The following ATRNL1 variants were observed in gnomAD, a reference collection of about 807,000 sequenced individuals.
ATRNL1 encodes the protein attractin like 1.
ATRNL1 carries 95 observed loss-of-function variants against 182.7 expected under a neutral mutation model. The observed-to-expected ratio is 0.52, with a 90% confidence interval of 0.44 to 0.62. The LOEUF is 0.62. Ranked by LOEUF, ATRNL1 falls within the 20% of genes least tolerant of loss-of-function variation. The pLI, the probability that ATRNL1 is intolerant of heterozygous loss-of-function variation, is 0.00. For missense variants in ATRNL1, 1,471 were observed against 1,679.5 expected (o/e 0.88, Z 2.17); for synonymous variants, 576 against 568.3 (o/e 1.01, Z -0.19).
At chr10:115,141,795 T>A (rs1411393698) in intron 5 of ATRNL1, among the ~76,000 whole-genome samples, 2 of 152,300 alleles carry the variant, frequency 1.3e-5, no homozygotes, top group East Asian at 3.9e-4. Context: ...TCCGTTAAAT[T>A]CTTCCCACTT....
rs375996668 is a variant in ATRNL1 at position 115,801,797 on chromosome 10, CT to C, written c.3904-46075del. ...ATGATTTTCTTGTCCCTTTCAGAAA[CT>C]TTTTGAAAATTCATTTAAAGGAATA... On this transcript the variant is annotated intron_variant, in intron 27 of 28. Transcript: ENST00000355044. 2.8e-3 allele frequency among the ~76,000 whole-genome samples: 419 copies of C among 152,204 alleles called. 1 individual carries two copies. Among genetic ancestry groups the C allele is most frequent in the African/African-American group, 9.1e-3 (378 of 41,522 alleles).
intron 27 of ATRNL1, among the ~76,000 whole-genome samples, chr10:115,818,112 C>T (rs1205716858): frequency 1.3e-5 from 2 of 151,716 alleles, no homozygotes; most frequent in Non-Finnish European, 2.9e-5. Flanking sequence ...TATTGCTTTC[C>T]AGGGCTTCTA....
chr10:115,203,577 CTT>C lies in ATRNL1; in HGVS notation c.1349-12101_1349-12100del, dbSNP rs34988501. Among the ~76,000 whole-genome samples the C allele has an allele frequency of 8.1e-3, 988 of 122,306 alleles. 10 individuals carry two copies. The highest frequency in any genetic ancestry group is 0.027 in the African/African-American group (907 of 34,124). The allele number at this position is 122,306 out of a possible 152,430, so 80.2% of individuals were successfully genotyped here. A position where few individuals can be genotyped will look rare whatever the true frequency, so the allele number is the denominator to read the frequency against. On this transcript the variant is annotated intron_variant, in intron 8 of 28. Transcript: ENST00000355044. ...AAAGTTTAAAACTAGATTGGGCCACCTTTTTTTTTTTTTTTTTTTTGAGATGG... is the reference window on the plus strand; with the variant it reads ...AAAGTTTAAAACTAGATTGGGCCACCTTTTTTTTTTTTTTTTTTGAGATGG...
At chr10:115,642,024 G>A (rs151141536) in intron 26 of ATRNL1, among the ~76,000 whole-genome samples, 66 of 151,996 alleles carry the variant, frequency 4.3e-4, no homozygotes, top group African/African-American at 1.3e-3. Flanking sequence ...AAATAAACAC[G>A]CAGAGCAATA....
At chr10:115,869,307 G>C (rs1027217353) in intron 28 of ATRNL1, among the ~76,000 whole-genome samples, 1 of 152,150 alleles carries the variant, frequency 6.6e-6, no homozygotes, top group African/African-American at 2.4e-5. Context: ...AGCATGATTA[G>C]CCAGAGCAAT....
intron 19 of ATRNL1, among the ~76,000 whole-genome samples, chr10:115,357,447 G>T (rs1166539752): frequency 6.6e-6 from 1 of 151,826 alleles, no homozygotes; most frequent in Non-Finnish European, 1.5e-5. Flanking sequence ...TGATGGTGGA[G>T]AAGTTAATTA....
At chr10:115,426,048 C>T (rs781971696) in intron 20 of ATRNL1, among the ~76,000 whole-genome samples, 13 of 151,976 alleles carry the variant, frequency 8.6e-5, no homozygotes, top group Non-Finnish European at 1.6e-4. Flanking sequence ...TTTCATCTCT[C>T]ACTTTTTCTC....
chr10:115,497,030 C>T (rs1849582411), intron 24 of ATRNL1, among the ~76,000 whole-genome samples: 1 of 152,078 alleles, frequency 6.6e-6, no homozygotes, highest in African/African-American at 2.4e-5. Flanking sequence ...TACATAATCC[C>T]ATATTTCTCA....
chr10:115,177,811 A>G (rs1847576305), intron 8 of ATRNL1, among the ~76,000 whole-genome samples: 1 of 151,482 alleles, frequency 6.6e-6, no homozygotes, highest in South Asian at 2.1e-4. Flanking sequence ...AGATAAGACA[A>G]CAGAATACTT....
intron 26 of ATRNL1, among the ~76,000 whole-genome samples, chr10:115,726,765 C>G (rs1593129753): frequency 6.6e-6 from 1 of 152,168 alleles, no homozygotes; most frequent in African/African-American, 2.4e-5. Context: ...TGATGACTTA[C>G]AAAACTTAGT....
intron 28 of ATRNL1, among the ~76,000 whole-genome samples, chr10:115,864,967 G>C (rs1219690528): frequency 6.7e-6 from 1 of 149,176 alleles, no homozygotes; most frequent in Non-Finnish European, 1.5e-5. Flanking sequence ...GGGCGACAGA[G>C]CGAGACTCCG....
chr10:115,327,086 G>A (rs1434035512), intron 18 of ATRNL1, among the ~76,000 whole-genome samples: 3 of 151,410 alleles, frequency 2.0e-5, no homozygotes, highest in South Asian at 2.1e-4. Context: ...TGACAAATGG[G>A]ATCTAATTAA....
chr10:115,169,713 C>A (rs1375877773), intron 7 of ATRNL1, among the ~76,000 whole-genome samples: 1 of 152,036 alleles, frequency 6.6e-6, no homozygotes, highest in Non-Finnish European at 1.5e-5. Context: ...AGAGTATTAT[C>A]CTCTTAATCA....
chr10:115,396,938 C>T (rs545047880), intron 20 of ATRNL1, among the ~76,000 whole-genome samples: 4 of 151,848 alleles, frequency 2.6e-5, no homozygotes, highest in Admixed American at 1.3e-4. Context: ...ACATTTTCCC[C>T]GTTCTCATTT....
intron 27 of ATRNL1, among the ~76,000 whole-genome samples, chr10:115,790,369 C>A (rs1313516637): frequency 6.6e-6 from 1 of 152,160 alleles, no homozygotes; most frequent in Non-Finnish European, 1.5e-5. Context: ...CAGGGAGGTT[C>A]TGACCCTGAA....
chr10:115,294,855 A>T (rs10885681), intron 15 of ATRNL1, among the ~76,000 whole-genome samples: 33,082 of 152,100 alleles, frequency 0.22, 4,608 homozygotes, highest in Non-Finnish European at 0.31. Flanking sequence ...TAGTAGTGAC[A>T]TTTTCAAGTG....
At chr10:115,802,975 T>G (rs1949832612) in intron 27 of ATRNL1, among the ~76,000 whole-genome samples, 1 of 152,220 alleles carries the variant, frequency 6.6e-6, no homozygotes, top group South Asian at 2.1e-4. Flanking sequence ...AACATTTGTG[T>G]CATTTTTGAT....
intron 28 of ATRNL1, among the ~76,000 whole-genome samples, chr10:115,871,493 AT>A (rs1402852918): frequency 3.8e-5 from 5 of 132,920 alleles, no homozygotes; most frequent in African/African-American, 1.8e-4. Flanking sequence ...ATATATATAT[AT>A]ATATATATAT....
At position 115,617,682 on chromosome 10, in the gene ATRNL1, C is replaced by G. The variant is rs915287021; in HGVS notation, c.3795+68146C>G. On this transcript the variant is annotated intron_variant, in intron 26 of 28. Transcript: ENST00000355044. The stretch of plus-strand genomic sequence containing the variant: ...CAACTAACTTTGTTTTTATTTTACA[C>G]ACTCATAGGCATAAGGGACTAGCCT... Among the ~76,000 whole-genome samples, 14 of 152,244 alleles carry G rather than the reference C, an allele frequency of 9.2e-5. No homozygotes were observed. In the East Asian group the frequency reaches 2.1e-3, roughly 23 times the overall value.
Sources: gnomAD v4.1 joint callset for allele counts (sites outside exome capture counted in the v4.1 genomes callset) on GRCh38, gnomAD v4.1.1 for gene constraint, MANE v1.5 for transcripts, NCBI Gene and HGNC (gene_info 2026-07-23, HGNC 2026-07-21) for gene names.